Variants in COL2A1 observed in about 807,000 individuals in gnomAD.
The protein encoded by COL2A1 is collagen type II alpha 1 chain.
A neutral mutation model predicts 204.5 loss-of-function variants in COL2A1; 28 were observed. That is an observed-to-expected ratio of 0.14 (90% CI 0.10 to 0.19). COL2A1 has a LOEUF of 0.19. COL2A1 is among the 10% of genes least tolerant of loss of function. COL2A1 has a pLI of 1.00. For missense variants in COL2A1, 1,388 were observed against 2,027.5 expected, an observed-to-expected ratio of 0.68 and a Z score of 6.06; for synonymous variants, 708 against 718.7, an observed-to-expected ratio of 0.99 and a Z score of 0.24.
chr12:47,997,541 G>C, intron 7 of COL2A1, 65 bp downstream of exon 7: 1 of 1,613,302 alleles, frequency 6.2e-7, no homozygotes, highest in Non-Finnish European at 8.5e-7. Context: ...GTAAGTGCAA[G>C]CAGCAATTTA....
chr12:47,980,472 G>A lies in COL2A1; in HGVS notation c.2625+82C>T, dbSNP rs544151962. On this transcript the variant is annotated intron_variant, in intron 39 of 53. Coordinates refer to ENST00000380518, the MANE Select transcript of COL2A1 (RefSeq NM_001844.5). The surrounding 1 kb of genome is among the most constrained non-coding windows in gnomAD (Gnocchi z 4.5). Reference sequence around the variant, plus strand: ...TTCCCAGGCCTGCGAACCATCCTCTGCGCAGCCTGCTGGGGCCTTCCCATC... The same window carrying A: ...TTCCCAGGCCTGCGAACCATCCTCTACGCAGCCTGCTGGGGCCTTCCCATC... 39 of 1,279,146 alleles carry A rather than the reference G, an allele frequency of 3.0e-5. No homozygotes were observed. In the African/African-American group the frequency reaches 4.6e-4, roughly 15 times the overall value. The allele number at this position is 1,279,146 out of a possible 1,614,324, so 79.2% of individuals were successfully genotyped here.
At chr12:47,993,029 G>A in intron 15 of COL2A1, 98 bp from the exon 16 acceptor site, 1 of 1,165,668 alleles carries the variant, frequency 8.6e-7, no homozygotes, top group East Asian at 2.5e-5. Context: ...CCAGAGGAGA[G>A]GGAGGATGCC....
chr12:47,983,258 G>A, intron 31 of COL2A1, 121 bp from the exon 32 acceptor site: 7 of 1,476,850 alleles, frequency 4.7e-6, no homozygotes, highest in Non-Finnish European at 6.5e-6. Flanking sequence ...TGTGGAGGCT[G>A]GGACATGGGT....
At chr12:47,994,509 C>T (rs760224911) in intron 11 of COL2A1, 32 bp from the exon 12 acceptor site, 11 of 1,612,222 alleles carry the variant, frequency 6.8e-6, no homozygotes, top group Non-Finnish European at 6.8e-6. Flanking sequence ...TCCCAGCTTC[C>T]TCAGAGACGC....
At chr12:47,998,809 C>A in intron 2 of COL2A1, 1 of 236,126 alleles carries the variant, frequency 4.2e-6, no homozygotes, top group Non-Finnish European at 8.2e-6. Context: ...AACCCCAAGC[C>A]CTCCCAGAGG....
chr12:47,989,860 T>A, intron 16 of COL2A1, 55 bp from the exon 17 acceptor site: 4 of 1,541,124 alleles, frequency 2.6e-6, no homozygotes, highest in Non-Finnish European at 3.6e-6. Context: ...TGTCCGTCCC[T>A]GCTCCCAGCC....
chr12:48,000,261 C>T, intron 1 of COL2A1, 136 bp from the exon 2 acceptor site: 1 of 670,194 alleles, frequency 1.5e-6, no homozygotes, highest in African/African-American at 1.8e-5. Flanking sequence ...GCCACCTGGA[C>T]ATATAGAACT....
rs776780069 is a variant in COL2A1, at chr12:47,979,517, G to A, written c.2727C>T (p.Gly909=). 28 of 1,613,508 alleles carry A rather than the reference G, an allele frequency of 1.7e-5. No individual in the cohort carries two copies. The highest frequency in any genetic ancestry group is 1.7e-5 in the Admixed American group (1 of 60,010). The change falls in exon 41 of 54, where the codon GGC becomes GGT. Residue 909 remains glycine (G), a synonymous_variant. Transcript: ENST00000380518. ...PGAAGRVGPP[G]SNGNPGPPGP... ...TGCCAGGAGCATCACTTACATTGGA[G>A]CCTGGGGGTCCAACGCGGCCAGCAG...
In COL2A1 at chr12:47,974,655, T is replaced by G. The variant is rs752166175; in HGVS notation, c.4074+20A>C. The G allele has an allele frequency of 6.2e-7, 1 of 1,613,282 alleles. No individual in the cohort carries two copies. The highest frequency in any genetic ancestry group is 8.5e-7 in the Non-Finnish European group (1 of 1,179,260). The stretch of plus-strand genomic sequence containing the variant: ...TGAGGAGCCATCTCTGCTCATCATC[T>G]AGGGCACCCAGGTACTCACATGGAA... On this transcript the variant is annotated intron_variant, in intron 52 of 53. Coordinates refer to ENST00000380518, the MANE Select transcript of COL2A1 (RefSeq NM_001844.5).
At position 47,994,420 on chromosome 12, in the gene COL2A1, T is replaced by G. The variant is rs754219474; in HGVS notation, c.816+4A>C. On this transcript the variant is annotated splice_donor_region_variant and intron_variant, in intron 12 of 53. Transcript: ENST00000380518. Reference sequence around the variant, plus strand: ...TGCCTGAGGCTGGGAACGGTGGCGTTTACCTGAGGACCAGGCGGACCCCTT... The same window carrying G: ...TGCCTGAGGCTGGGAACGGTGGCGTGTACCTGAGGACCAGGCGGACCCCTT... The G allele has an allele frequency of 6.2e-6, 10 of 1,614,114 alleles. No homozygotes were observed. Among genetic ancestry groups the G allele is most frequent in the Non-Finnish European group, 7.6e-6 (9 of 1,180,012 alleles).
rs2136612683 is a variant in COL2A1 at position 47,994,477 on chromosome 12, C to T, written c.763G>A (p.Gly255Ser). The change falls in exon 12 of 54, where the codon GGT becomes AGT. Residue 255 changes from glycine (G) to serine (S), a missense_variant and splice_region_variant. By Grantham distance (56) the Gly-to-Ser change is moderately conservative. This residue lies in a region of COL2A1 where 884 missense variants were observed against 1,415.8 expected (regional missense o/e 0.62). Transcript: ENST00000380518. ...PGPPGKPGDD[G>S]EAGKPGKAGE... The stretch of plus-strand genomic sequence containing the variant: ...GCTTTTCCAGGTTTTCCAGCTTCAC[C>T]CTGAAGGGAGAGAGAGAGATATCCC... 1 of 1,613,864 alleles carries T rather than the reference C, an allele frequency of 6.2e-7. No individual in the cohort carries two copies. Among genetic ancestry groups the T allele is most frequent in the Non-Finnish European group, 8.5e-7 (1 of 1,179,996 alleles).
At chr12:47,979,962 A>G (rs1319744313) in intron 40 of COL2A1, 47 bp downstream of exon 40, 6 of 1,510,298 alleles carry the variant, frequency 4.0e-6, no homozygotes, top group Non-Finnish European at 5.4e-6. Context: ...CTCTGGGGCC[A>G]GGCCTCTTTG....
At chr12:47,983,622 T>C (rs1047370222) in intron 30 of COL2A1, 61 bp downstream of exon 30, 1 of 1,538,126 alleles carries the variant, frequency 6.5e-7, no homozygotes, top group African/African-American at 1.4e-5. Context: ...TGCCTGCTGC[T>C]GTCCCAGGGA....
chr12:47,983,655 G>C (rs1939219622), intron 30 of COL2A1, 28 bp downstream of exon 30: 2 of 1,586,974 alleles, frequency 1.3e-6, no homozygotes, highest in East Asian at 4.6e-5. Context: ...GCAAAGGACT[G>C]CACAGAGAGC....
chr12:47,978,417 G>A lies in COL2A1; in HGVS notation c.2896-19C>T, dbSNP rs1401996760. ...CGGCACCCTGAGAGAGGAGAGGCAG[G>A]AGATGAGAACTGACAGTGGCCCAGC... On this transcript the variant is annotated intron_variant, in intron 42 of 53. Coordinates refer to ENST00000380518, the MANE Select transcript of COL2A1 (RefSeq NM_001844.5). The surrounding 1 kb of genome is among the most constrained non-coding windows in gnomAD (Gnocchi z 5.5). The A allele has an allele frequency of 2.5e-6, 4 of 1,611,834 alleles. No homozygotes were observed. The highest frequency in any genetic ancestry group is 2.2e-5 in the East Asian group (1 of 44,776).
rs529308337 is a variant in COL2A1 at position 47,983,740 on chromosome 12, C to A, written c.1942-4G>T. 9.5e-6 allele frequency: 15 copies of A among 1,586,012 alleles called. No individual in the cohort carries two copies. Among genetic ancestry groups the A allele is most frequent in the African/African-American group, 1.3e-5 (1 of 74,574 alleles). Reference sequence around the variant, plus strand: ...CGCCTCGTTCACCAGCAGGTCCCTGCAGTGGAAAAGAAAAGGTGAGCTGAG... The same window carrying A: ...CGCCTCGTTCACCAGCAGGTCCCTGAAGTGGAAAAGAAAAGGTGAGCTGAG... On this transcript the variant is annotated splice_region_variant and splice_polypyrimidine_tract_variant and intron_variant, in intron 29 of 53. Coordinates refer to ENST00000380518, the MANE Select transcript of COL2A1 (RefSeq NM_001844.5).
Position 47,976,790 on chromosome 12 carries a change from C to A in COL2A1, c.3435+22G>T, listed in dbSNP as rs1218671064. On this transcript the variant is annotated intron_variant, in intron 48 of 53. Coordinates refer to ENST00000380518, the MANE Select transcript of COL2A1 (RefSeq NM_001844.5). This position sits in a 1 kb window ranked among gnomAD's most constrained non-coding sequence, Gnocchi z 4.3. The stretch of plus-strand genomic sequence containing the variant: ...GTGTGGCAGGAGGCCTCGGGAAGTC[C>A]CACGCAGGCAGTGACACTCACAGGA... The A allele has an allele frequency of 1.9e-6, 3 of 1,602,138 alleles. No homozygotes were observed. Among genetic ancestry groups the A allele is most frequent in the Non-Finnish European group, 1.7e-6 (2 of 1,172,050 alleles).
At chr12:47,979,060 G>A (rs564170761) in intron 41 of COL2A1, among the ~76,000 whole-genome samples, 116 of 151,874 alleles carry the variant, frequency 7.6e-4, no homozygotes, top group African/African-American at 2.6e-3. Flanking sequence ...CTCAGGAGCC[G>A]CTCCAGCCCT....
upstream of COL2A1, chr12:48,005,918 G>C (rs1048868286): frequency 1.3e-5 from 2 of 152,274 alleles, no homozygotes; most frequent in African/African-American, 2.4e-5. Flanking sequence ...TTTGACACTT[G>C]TCCTGGTAGA....
Sources: gnomAD v4.1 joint callset for allele counts (sites outside exome capture counted in the v4.1 genomes callset) on GRCh38, gnomAD v4.1.1 for gene constraint, gnomAD v4.1.1 regional missense constraint, Gnocchi (gnomAD v3.1) non-coding constraint, MANE v1.5 for transcripts, NCBI Gene and HGNC (gene_info 2026-07-23, HGNC 2026-07-21) for gene names.